Variants in CELF4 observed in about 807,000 individuals in gnomAD.
CELF4 encodes the protein CUGBP Elav-like family member 4, also known as CUG-BP- and ETR-3-like factor 4.
In CELF4, 18 loss-of-function variants were observed where a neutral mutation model predicts 59.9. The observed-to-expected ratio is 0.30, with a 90% CI of 0.21 to 0.45. The LOEUF (loss-of-function observed/expected upper bound fraction) is 0.45, where lower values mean the gene tolerates loss of function less well. Among genes scored for constraint, CELF4 ranks in the 20% least tolerant of loss-of-function variants. The probability of loss-of-function intolerance (pLI) is 1.00; values close to 1 mark genes in which losing one functional copy is unlikely to be tolerated. For missense variants in CELF4, 456 were observed against 689.0 expected, an observed-to-expected ratio of 0.66 and a Z score of 3.79; for synonymous variants, 261 against 267.1, an observed-to-expected ratio of 0.98 and a Z score of 0.22.
rs2067027011 is a variant in CELF4 at position 37,253,697 on chromosome 18, C to T, written c.*44+70G>A. The T allele has an allele frequency of 8.1e-7, 1 of 1,241,666 alleles. No homozygotes were observed. The highest frequency in any genetic ancestry group is 1.6e-5 in the South Asian group (1 of 62,520). The allele number at this position is 1,241,666 out of a possible 1,614,324, so 76.9% of individuals were successfully genotyped here. ...CAGTGAGGGTCCGGCCCACGGAGGC[C>T]GGAGGAGGCGGCGGGTCCGTCTGGT... is the stretch of plus-strand genomic sequence containing the variant. On this transcript the variant is annotated intron_variant, in intron 12 of 12. Transcript: ENST00000420428. The surrounding 1 kb of genome is among the most constrained non-coding windows in gnomAD (Gnocchi z 4.5).
chr18:37,421,100 C>G (rs923920099), intron 2 of CELF4, among the ~76,000 whole-genome samples: 35 of 152,310 alleles, frequency 2.3e-4, no homozygotes, highest in South Asian at 2.1e-3. Flanking sequence ...TCCCCATCCC[C>G]TCCCCAACAT....
At chr18:37,290,009 C>T (rs1291035426) in intron 3 of CELF4, among the ~76,000 whole-genome samples, 7 of 152,078 alleles carry the variant, frequency 4.6e-5, no homozygotes, top group African/African-American at 1.2e-4. Context: ...TTTTAGGCCT[C>T]GAGTGCCTGA....
chr18:37,458,320 AC>A (rs1209179165), intron 2 of CELF4, among the ~76,000 whole-genome samples: 2 of 151,842 alleles, frequency 1.3e-5, no homozygotes, highest in African/African-American at 4.8e-5. Context: ...GCACACTAGA[AC>A]TCTTGCCTCT....
intron 2 of CELF4, among the ~76,000 whole-genome samples, chr18:37,333,778 A>C (rs1388092327): frequency 9.2e-6 from 1 of 109,154 alleles, no homozygotes; most frequent in Non-Finnish European, 2.0e-5. Flanking sequence ...CCATCCCTCC[A>C]TCCATGCATC....
chr18:37,492,030 T>C (rs1299376722), intron 1 of CELF4, among the ~76,000 whole-genome samples: 1 of 152,158 alleles, frequency 6.6e-6, no homozygotes, highest in African/African-American at 2.4e-5. Flanking sequence ...GATGTGATGC[T>C]CTCCCTCCTC....
intron 3 of CELF4, among the ~76,000 whole-genome samples, chr18:37,311,811 G>C (rs1218229838): frequency 2.1e-5 from 2 of 97,442 alleles, no homozygotes; most frequent in African/African-American, 3.8e-5. Flanking sequence ...AAAAAATTAA[G>C]TCAGAAGGAA....
At chr18:37,429,850 C>A (rs1603638702) in intron 2 of CELF4, among the ~76,000 whole-genome samples, 1 of 152,140 alleles carries the variant, frequency 6.6e-6, no homozygotes, top group Non-Finnish European at 1.5e-5. Flanking sequence ...ACGGAAGACC[C>A]CACACTTGGG....
intron 1 of CELF4, among the ~76,000 whole-genome samples, chr18:37,542,070 A>C (rs1335047814): frequency 6.6e-6 from 1 of 152,128 alleles, no homozygotes; most frequent in Non-Finnish European, 1.5e-5. Context: ...GAATGAGTGA[A>C]TTATTCAATC....
chr18:37,421,824 C>T (rs1002420036), intron 2 of CELF4, among the ~76,000 whole-genome samples: 8 of 152,360 alleles, frequency 5.3e-5, no homozygotes, highest in South Asian at 2.1e-4. Context: ...TGTAAAACAC[C>T]GGATGTGAAT....
chr18:37,424,086 GT>G (rs1231032706), intron 2 of CELF4, among the ~76,000 whole-genome samples: 1 of 151,976 alleles, frequency 6.6e-6, no homozygotes, highest in Non-Finnish European at 1.5e-5. Flanking sequence ...AAAAGAAATT[GT>G]GTTTTTTGCC....
At chr18:37,264,843 T>G in intron 9 of CELF4, 86 bp from the exon 10 acceptor site, 1 of 1,182,364 alleles carries the variant, frequency 8.5e-7, no homozygotes, top group South Asian at 1.3e-5. Context: ...GTGCAGGCAG[T>G]AAAAGCAGAT....
At chr18:37,445,079 T>C (rs1395881766) in intron 2 of CELF4, among the ~76,000 whole-genome samples, 2 of 152,122 alleles carry the variant, frequency 1.3e-5, no homozygotes, top group Non-Finnish European at 2.9e-5. Context: ...AGACATAGCC[T>C]GAGGGCAGGA....
At chr18:37,273,783 T>A in intron 6 of CELF4, 1 of 988,876 alleles carries the variant, frequency 1.0e-6, no homozygotes, top group Non-Finnish European at 1.2e-6. Context: ...TGCAGGCAGC[T>A]CCGGGAGAGG....
At chr18:37,352,308 C>T (rs1273855828) in intron 2 of CELF4, among the ~76,000 whole-genome samples, 1 of 152,164 alleles carries the variant, frequency 6.6e-6, no homozygotes, top group African/African-American at 2.4e-5. Context: ...CTTACACACA[C>T]TACATTTGTC....
chr18:37,511,578 A>C (rs1438857240), intron 1 of CELF4, among the ~76,000 whole-genome samples: 1 of 151,758 alleles, frequency 6.6e-6, no homozygotes, highest in East Asian at 1.9e-4. Context: ...ACTGCCATTG[A>C]CTACCCAGAT....
rs1288193800 is a variant in CELF4, at chr18:37,259,023, A to G, written c.1333+158T>C. On this transcript the variant is annotated intron_variant, in intron 11 of 12. Transcript: ENST00000420428. ...CCATGGAGCAGCTGGGGCGGGGGCA[A>G]TGTGAAGGAGCAGGTTAAAAGCAGT... 4.6e-6 allele frequency: 5 copies of G among 1,075,368 alleles called. No individual in the cohort carries two copies. In the African/African-American group the frequency reaches 4.7e-5, roughly 10 times the overall value. 66.6% of individuals were successfully genotyped at this position (1,075,368 alleles called of 1,614,324 possible). A position where few individuals can be genotyped will look rare whatever the true frequency, so the allele number is the denominator to read the frequency against.
intron 1 of CELF4, among the ~76,000 whole-genome samples, chr18:37,512,376 T>C (rs1462961233): frequency 6.6e-6 from 1 of 152,158 alleles, no homozygotes; most frequent in South Asian, 2.1e-4. Context: ...CATTGTCTTC[T>C]TTCCTCCTCC....
In CELF4 at chr18:37,274,464, G is replaced by A; in HGVS notation, c.658-10C>T. The A allele has an allele frequency of 6.2e-7, 1 of 1,612,160 alleles. No individual in the cohort carries two copies. Among genetic ancestry groups the A allele is most frequent in the Non-Finnish European group, 8.5e-7 (1 of 1,179,486 alleles). On this transcript the variant is annotated splice_polypyrimidine_tract_variant and intron_variant, in intron 5 of 12. Coordinates refer to ENST00000420428, the MANE Select transcript of CELF4 (RefSeq NM_020180.4). ...GACTGGACGAGGCTCCCTGCGGCCG[G>A]GGCGGCGCGTGAGACCCACCTGCTC...
rs568214133 is a variant in CELF4, at chr18:37,464,866, C to T, written c.369+20659G>A. On this transcript the variant is annotated intron_variant, in intron 2 of 12. Transcript: ENST00000420428. ...AAAGGAGACAGAGGAAGAAAGTCCA[C>T]GCTGATGTTCTCAGATGTTCTCCCG... Among the ~76,000 whole-genome samples the T allele has an allele frequency of 3.3e-5, 5 of 152,316 alleles. No individual in the cohort carries two copies. In the East Asian group the frequency reaches 5.8e-4, roughly 18 times the overall value.
Sources: gnomAD v4.1 joint callset for allele counts (sites outside exome capture counted in the v4.1 genomes callset) on GRCh38, gnomAD v4.1.1 for gene constraint, Gnocchi (gnomAD v3.1) non-coding constraint, MANE v1.5 for transcripts, NCBI Gene and HGNC (gene_info 2026-07-23, HGNC 2026-07-21) for gene names.